Variants in SLC71A1 observed in about 807,000 individuals in gnomAD.
SLC71A1 encodes the protein hippocampus abundant gene transcript 1.
the SLC71A1 span, chr1:100,069,523 A>C: frequency 1.3e-6 from 1 of 749,978 alleles, no homozygotes; most frequent in Non-Finnish European, 2.3e-6. Flanking sequence ...TTTCTGGCCC[A>C]TTAAATGTTA....
At chr1:100,058,597 G>A in the SLC71A1 span, 1 of 828,550 alleles carries the variant, frequency 1.2e-6, no homozygotes, top group Non-Finnish European at 2.1e-6. Flanking sequence ...TGTTCAAAAA[G>A]GTAAATGTAG....
At chr1:100,057,357 CTTTTTTTTTT>C in the SLC71A1 span, among the ~76,000 whole-genome samples, 5 of 122,564 alleles carry the variant, frequency 4.1e-5, no homozygotes, top group Non-Finnish European at 8.8e-5. Flanking sequence ...CTTTTTCTTT[CTTTTTTTTTT>C]TTTTTAAGAC....
chr1:100,050,008 A>G, the SLC71A1 span: 1 of 1,496,498 alleles, frequency 6.7e-7, no homozygotes, highest in Non-Finnish European at 9.2e-7. Flanking sequence ...CTTGGTGGTA[A>G]GTAATCTTTT....
chr1:100,043,205 TA>T, the SLC71A1 span: 6 of 978,312 alleles, frequency 6.1e-6, no homozygotes, highest in Middle Eastern at 5.3e-4. Context: ...AAAGTTTAAG[TA>T]AAAAAATGAA....
At chr1:100,045,677 G>T in the SLC71A1 span, among the ~76,000 whole-genome samples, 1 of 152,122 alleles carries the variant, frequency 6.6e-6, no homozygotes, top group African/African-American at 2.4e-5. Context: ...TCATTTCTTT[G>T]TGTTAGGAAC....
chr1:100,041,197 A>T, the SLC71A1 span, among the ~76,000 whole-genome samples: 1 of 152,246 alleles, frequency 6.6e-6, no homozygotes, highest in Admixed American at 6.5e-5. Flanking sequence ...AAATCCTTCT[A>T]AATGAGCCAG....
At chr1:100,080,810 C>T in the SLC71A1 span, 1 of 646,746 alleles carries the variant, frequency 1.5e-6, no homozygotes, top group Non-Finnish European at 2.5e-6. Context: ...TGTTCTTCTA[C>T]ATACCACCTT....
the SLC71A1 span, among the ~76,000 whole-genome samples, chr1:100,038,654 G>A: frequency 6.6e-6 from 1 of 152,066 alleles, no homozygotes; most frequent in Non-Finnish European, 1.5e-5. Flanking sequence ...CGCCCGCCGC[G>A]CCCCTCGTCG....
chr1:100,056,639 A>C, the SLC71A1 span, among the ~76,000 whole-genome samples: 1 of 152,230 alleles, frequency 6.6e-6, no homozygotes, highest in Non-Finnish European at 1.5e-5. Flanking sequence ...ATAGTGCTGC[A>C]GTAAATGTAG....
At chr1:100,080,620 C>T in the SLC71A1 span, 2 of 1,614,024 alleles carry the variant, frequency 1.2e-6, no homozygotes, top group Non-Finnish European at 1.7e-6. Context: ...CAGGAACAGA[C>T]TTGGGAACAA....
chr1:100,072,516 A>G, the SLC71A1 span, among the ~76,000 whole-genome samples: 1 of 150,484 alleles, frequency 6.6e-6, no homozygotes, highest in South Asian at 2.1e-4. Context: ...CATTTTTGTC[A>G]CCCTAGCACC....
chr1:100,053,510 C>T, the SLC71A1 span, among the ~76,000 whole-genome samples: 3 of 152,150 alleles, frequency 2.0e-5, no homozygotes, highest in Admixed American at 6.5e-5. Flanking sequence ...TCTTTCATTT[C>T]CCTGTCCCTC....
At chr1:100,068,405 T>C in the SLC71A1 span, 3 of 1,120,118 alleles carry the variant, frequency 2.7e-6, no homozygotes, top group Non-Finnish European at 4.0e-6. Context: ...AATCTCTGCG[T>C]ATTCTTAAGA....
the SLC71A1 span, among the ~76,000 whole-genome samples, chr1:100,040,422 C>G: frequency 2.6e-5 from 4 of 152,150 alleles, no homozygotes; most frequent in Non-Finnish European, 5.9e-5. Flanking sequence ...TTATCTACCT[C>G]TCTACTTACA....
the SLC71A1 span, chr1:100,068,604 T>TTAGTGG: frequency 1.5e-6 from 2 of 1,324,870 alleles, no homozygotes; most frequent in Non-Finnish European, 2.2e-6. Flanking sequence ...CCTCTTCCAC[T>TTAGTGG]AAGGTGGACT....
the SLC71A1 span, among the ~76,000 whole-genome samples, chr1:100,073,225 C>T: frequency 6.6e-6 from 1 of 152,196 alleles, no homozygotes; most frequent in East Asian, 1.9e-4. Context: ...CAATCTGAGC[C>T]GTGGCCATAT....
the SLC71A1 span, among the ~76,000 whole-genome samples, chr1:100,042,601 T>C: frequency 6.6e-6 from 1 of 151,796 alleles, no homozygotes; most frequent in Non-Finnish European, 1.5e-5. Flanking sequence ...TGCTTTTCTT[T>C]TTCTTTCTTT....
the SLC71A1 span, among the ~76,000 whole-genome samples, chr1:100,077,601 T>C: frequency 1.3e-5 from 2 of 152,212 alleles, no homozygotes; most frequent in Admixed American, 6.5e-5. Flanking sequence ...AACAAGGCCC[T>C]GAAAGTTATT....
the SLC71A1 span, chr1:100,082,595 A>G: frequency 1.2e-5 from 2 of 165,086 alleles, no homozygotes; most frequent in Non-Finnish European, 2.6e-5. Flanking sequence ...ATGGTTGTGG[A>G]CCTATTTGTT....
Sources: allele counts gnomAD v4.1 joint callset (sites outside exome capture counted in the v4.1 genomes callset), GRCh38; gene constraint gnomAD v4.1.1; transcripts MANE v1.5; gene names NCBI Gene and HGNC (gene_info 2026-07-23, HGNC 2026-07-21).